Variants in CDC42BPA observed in about 807,000 individuals in gnomAD.
CDC42BPA encodes the protein serine/threonine-protein kinase MRCK alpha.
CDC42BPA carries 80 observed loss-of-function variants against 223.5 expected under a neutral mutation model. The observed-to-expected ratio is 0.36, with a 90% CI of 0.30 to 0.43. CDC42BPA has a LOEUF of 0.43. Among genes scored for constraint, CDC42BPA ranks in the 20% least tolerant of loss-of-function variants. The pLI, the probability that CDC42BPA is intolerant of heterozygous loss-of-function variation, is 1.00. For missense variants in CDC42BPA, 1,743 were observed against 2,099.9 expected (o/e 0.83, Z 3.32); for synonymous variants, 694 against 718.6 (o/e 0.97, Z 0.55).
intron 11 of CDC42BPA, among the ~76,000 whole-genome samples, chr1:227,120,774 T>G (rs2149445918): frequency 6.6e-6 from 1 of 152,296 alleles, no homozygotes; most frequent in African/African-American, 2.4e-5. Context: ...GCTCTGGATA[T>G]TTTCTGTTCT....
At chr1:227,081,850 T>TA (rs1241406746) in intron 16 of CDC42BPA, among the ~76,000 whole-genome samples, 3 of 152,192 alleles carry the variant, frequency 2.0e-5, no homozygotes, top group Admixed American at 6.5e-5. Context: ...TATGTATCTC[T>TA]AAAGAATAAG....
chr1:227,137,093 A>C (rs1658718206), intron 10 of CDC42BPA, among the ~76,000 whole-genome samples: 1 of 152,192 alleles, frequency 6.6e-6, no homozygotes, highest in Non-Finnish European at 1.5e-5. Context: ...AAACTATGTA[A>C]CAACAGTCAT....
intron 28 of CDC42BPA, 84 bp downstream of exon 28, chr1:227,031,214 G>T (rs1669213213): frequency 9.8e-7 from 1 of 1,016,042 alleles, no homozygotes; most frequent in African/African-American, 1.6e-5. Flanking sequence ...GGACACTGGG[G>T]ATTCCTAGAT....
chr1:227,063,481 C>T (rs1676353607), intron 21 of CDC42BPA, among the ~76,000 whole-genome samples: 1 of 151,950 alleles, frequency 6.6e-6, no homozygotes, highest in African/African-American at 2.4e-5. Flanking sequence ...ACTATGTAAT[C>T]ATGGTTCTTT....
At position 226,991,331 on chromosome 1, in the gene CDC42BPA, G is replaced by C. The variant is rs1441690998; in HGVS notation, c.*2937C>G. On this transcript the variant is annotated 3_prime_UTR_variant, in exon 37 of 37. Coordinates refer to ENST00000366766, the MANE Select transcript of CDC42BPA (RefSeq NM_001394014.1). ...GATAGTAATAAAATACTTTATCTGT[G>C]AGCTGTGCTACTGACTCCTCTGAAT... The C allele has an allele frequency of 6.6e-6, 1 of 152,206 alleles. No individual in the cohort carries two copies. The highest frequency in any genetic ancestry group is 1.5e-5 in the Non-Finnish European group (1 of 68,038). 9.4% of individuals were successfully genotyped at this position (152,206 alleles called of 1,614,324 possible).
At chr1:227,261,889 G>T (rs572586755) in intron 1 of CDC42BPA, among the ~76,000 whole-genome samples, 24 of 152,096 alleles carry the variant, frequency 1.6e-4, no homozygotes, top group Middle Eastern at 3.4e-3. Context: ...AAAACATGAG[G>T]GTTTGGAGTC....
chr1:227,232,642 C>T (rs1180797017), intron 2 of CDC42BPA, among the ~76,000 whole-genome samples: 1 of 152,142 alleles, frequency 6.6e-6, no homozygotes, highest in Non-Finnish European at 1.5e-5. Flanking sequence ...CAGTCAGGAC[C>T]CTCAGCCGCA....
intron 2 of CDC42BPA, among the ~76,000 whole-genome samples, chr1:227,222,521 A>G (rs1350116844): frequency 3.3e-5 from 5 of 151,956 alleles, no homozygotes; most frequent in African/African-American, 1.2e-4. Flanking sequence ...AACAACAACA[A>G]AAAAACTATC....
chr1:227,211,286 T>C (rs1201965738), intron 3 of CDC42BPA, among the ~76,000 whole-genome samples: 1 of 152,072 alleles, frequency 6.6e-6, no homozygotes, highest in African/African-American at 2.4e-5. Context: ...GGGATGCAGA[T>C]AAAAAGGAAC....
At chr1:227,082,464 C>T (rs1680896455) in intron 16 of CDC42BPA, among the ~76,000 whole-genome samples, 1 of 151,836 alleles carries the variant, frequency 6.6e-6, no homozygotes, top group Admixed American at 6.6e-5. Flanking sequence ...CCTGTAATCC[C>T]AGCACTTTGG....
intron 35 of CDC42BPA, among the ~76,000 whole-genome samples, chr1:227,000,922 C>T (rs1353826177): frequency 2.0e-5 from 3 of 152,114 alleles, no homozygotes; most frequent in Non-Finnish European, 4.4e-5. Context: ...CAGCCCCTTC[C>T]AGAGAGTTTT....
intron 21 of CDC42BPA, among the ~76,000 whole-genome samples, chr1:227,060,517 G>A (rs1007228354): frequency 1.3e-5 from 2 of 152,114 alleles, no homozygotes; most frequent in African/African-American, 2.4e-5. Context: ...TGCTATCACT[G>A]AGATATGTAC....
intron 2 of CDC42BPA, among the ~76,000 whole-genome samples, chr1:227,235,679 G>A (rs1678879873): frequency 6.6e-6 from 1 of 152,204 alleles, no homozygotes; most frequent in East Asian, 1.9e-4. Context: ...CGCTGACAAG[G>A]CAAAGTGAAC....
chr1:227,258,085 G>A (rs1224501205), intron 1 of CDC42BPA, among the ~76,000 whole-genome samples: 1 of 149,316 alleles, frequency 6.7e-6, no homozygotes, highest in Non-Finnish European at 1.5e-5. Flanking sequence ...TGAAGTGGGA[G>A]GGCCACTTTA....
At chr1:227,144,524 G>C (rs941154060) in intron 8 of CDC42BPA, among the ~76,000 whole-genome samples, 1 of 126,714 alleles carries the variant, frequency 7.9e-6, no homozygotes, top group Non-Finnish European at 1.6e-5. Context: ...GCAATGAGCC[G>C]AGATTGTGCC....
Position 226,992,240 on chromosome 1 carries a change from TTA to T in CDC42BPA, c.*2026_*2027del, listed in dbSNP as rs1660850007. 1 of 152,178 alleles carries T rather than the reference TTA, an allele frequency of 6.6e-6. No homozygotes were observed. 9.4% of individuals were successfully genotyped at this position (152,178 alleles called of 1,614,324 possible). ...TGGTATTCAGGTGAGAAAAGTATTT[TTA>T]TACTTCATTCTAAAAAGCAGAAAGA... On this transcript the variant is annotated 3_prime_UTR_variant, in exon 37 of 37. Coordinates refer to ENST00000366766, the MANE Select transcript of CDC42BPA (RefSeq NM_001394014.1).
chr1:227,133,255 G>C (rs1464747121), intron 10 of CDC42BPA, among the ~76,000 whole-genome samples: 3 of 151,066 alleles, frequency 2.0e-5, no homozygotes, highest in African/African-American at 7.3e-5. Context: ...CCGTCTGGGA[G>C]GTGAGGGGCG....
At position 227,177,023 on chromosome 1, in the gene CDC42BPA, C is replaced by A. The variant is rs913584012; in HGVS notation, c.600-16387G>T. The stretch of plus-strand genomic sequence containing the variant: ...ATAATTATTCTAGAATTTGTTTATG[C>A]CCTACCTCTCTCGATTATCTCATAG... On this transcript the variant is annotated intron_variant, in intron 5 of 36. Transcript: ENST00000366766. 2.0e-5 allele frequency among the ~76,000 whole-genome samples: 3 copies of A among 151,136 alleles called. No homozygotes were observed. The South Asian group carries it at 6.3e-4, about 32-fold the overall frequency.
At chr1:227,102,838 A>G (rs61836468) in intron 14 of CDC42BPA, among the ~76,000 whole-genome samples, 21,471 of 152,122 alleles carry the variant, frequency 0.14, 1,902 homozygotes, top group South Asian at 0.34. Flanking sequence ...AAATTTTAAA[A>G]TCCAAATGAT....
Sources: allele counts gnomAD v4.1 joint callset (sites outside exome capture counted in the v4.1 genomes callset), GRCh38; gene constraint gnomAD v4.1.1; transcripts MANE v1.5; gene names NCBI Gene and HGNC (gene_info 2026-07-23, HGNC 2026-07-21).